SEMA3A: variants seen among roughly 807,000 people sequenced by gnomAD.
SEMA3A encodes the protein semaphorin 3A, also known as semaphorin-3A.
SEMA3A carries 29 observed loss-of-function variants against 97.9 expected under a neutral mutation model. The ratio of observed to expected loss-of-function variants is 0.30; its 90% CI spans 0.22 to 0.40. The LOEUF (loss-of-function observed/expected upper bound fraction) is 0.40. SEMA3A is among the 10% of genes least tolerant of loss of function. The pLI is 1.00. For synonymous variants in SEMA3A, 321 were observed against 323.7 expected (o/e 0.99, Z 0.09); for missense variants, 763 against 951.3 (o/e 0.80, Z 2.60).
chr7:84,445,516 A>AAAAAG (rs1554388668), intron 1 of SEMA3A, among the ~76,000 whole-genome samples: 2,689 of 123,220 alleles, frequency 0.022, 101 homozygotes, highest in African/African-American at 0.064. Flanking sequence ...AAAAAAAAAA[A>AAAAAG]AAAAGAAAAG....
intron 3 of SEMA3A, among the ~76,000 whole-genome samples, chr7:84,226,827 T>G (rs1202198427): frequency 1.3e-5 from 2 of 152,102 alleles, no homozygotes; most frequent in African/African-American, 2.4e-5. Context: ...GACATATTAT[T>G]CTATTCCTAA....
At chr7:84,429,903 A>G (rs1804935971) in intron 1 of SEMA3A, among the ~76,000 whole-genome samples, 1 of 151,868 alleles carries the variant, frequency 6.6e-6, no homozygotes, top group Admixed American at 6.6e-5. Flanking sequence ...TAACAAGAAT[A>G]CCAACATGTT....
chr7:84,471,209 GTGGCCT>G (rs1416219801), intron 1 of SEMA3A, among the ~76,000 whole-genome samples: 6 of 151,930 alleles, frequency 3.9e-5, no homozygotes, highest in Non-Finnish European at 5.9e-5. Flanking sequence ...ATCCTTATGA[GTGGCCT>G]TGCAGGTAAA....
chr7:84,217,460 T>TA (rs1029720623), intron 3 of SEMA3A, among the ~76,000 whole-genome samples: 1 of 152,018 alleles, frequency 6.6e-6, no homozygotes, highest in African/African-American at 2.4e-5. Flanking sequence ...TGACCCTATA[T>TA]AAAAAATCTG....
At chr7:84,277,311 G>A (rs1410925845) in intron 3 of SEMA3A, among the ~76,000 whole-genome samples, 1 of 152,052 alleles carries the variant, frequency 6.6e-6, no homozygotes, top group Non-Finnish European at 1.5e-5. Context: ...TATAGATATA[G>A]ATGTAATGAT....
At chr7:84,165,570 T>G (rs968751253) in intron 1 of SEMA3A, among the ~76,000 whole-genome samples, 2 of 152,132 alleles carry the variant, frequency 1.3e-5, no homozygotes, top group African/African-American at 4.8e-5. Context: ...CTTCTTTTTT[T>G]GAGGCGGAGT....
In SEMA3A at chr7:84,194,652, T is replaced by A; in HGVS notation, c.-66A>T. The A allele has an allele frequency of 9.8e-7, 1 of 1,018,744 alleles. No homozygotes were observed. The highest frequency in any genetic ancestry group is 1.5e-6 in the Non-Finnish European group (1 of 654,834). The allele number at this position is 1,018,744 out of a possible 1,614,324, so 63.1% of individuals were successfully genotyped here. On this transcript the variant is annotated 5_prime_UTR_variant, in exon 1 of 17. Coordinates refer to ENST00000265362, the MANE Select transcript of SEMA3A (RefSeq NM_006080.3). ...TTCCTGTATTGTGCGGCCAGAGAAG[T>A]TCAAACAATCTGGAAACTGGAGGTA...
chr7:84,291,566 A>C (rs1800747193), intron 3 of SEMA3A, among the ~76,000 whole-genome samples: 1 of 152,138 alleles, frequency 6.6e-6, no homozygotes, highest in South Asian at 2.1e-4. Context: ...TATCTCATAA[A>C]ACATTGAACA....
intron 5 of SEMA3A, among the ~76,000 whole-genome samples, chr7:84,059,989 A>G (rs1793149662): frequency 6.6e-6 from 1 of 152,178 alleles, no homozygotes; most frequent in Non-Finnish European, 1.5e-5. Flanking sequence ...CTTATCAGCA[A>G]TGCTAAATGA....
At chr7:84,302,161 T>C (rs1801033971) in intron 3 of SEMA3A, among the ~76,000 whole-genome samples, 1 of 152,288 alleles carries the variant, frequency 6.6e-6, no homozygotes, top group Non-Finnish European at 1.5e-5. Flanking sequence ...AATTATTTGC[T>C]AAGTGAAAAA....
chr7:84,019,425 A>G (rs1014273681), intron 6 of SEMA3A, among the ~76,000 whole-genome samples: 42 of 152,162 alleles, frequency 2.8e-4, no homozygotes, highest in African/African-American at 9.4e-4. Flanking sequence ...ACCTGGAGAA[A>G]GGTGAGGAAA....
intron 2 of SEMA3A, among the ~76,000 whole-genome samples, chr7:84,311,000 T>TTATATATA (rs4016123): frequency 1.6e-3 from 233 of 148,668 alleles, no homozygotes; most frequent in South Asian, 3.4e-3. Context: ...TTAGTAGATG[T>TTATATATA]TATATATATA....
intron 1 of SEMA3A, among the ~76,000 whole-genome samples, chr7:84,141,305 C>T (rs1440291019): frequency 6.6e-6 from 1 of 152,116 alleles, no homozygotes; most frequent in Non-Finnish European, 1.5e-5. Context: ...CAGCCTGTGC[C>T]AGAGGCCACA....
At chr7:84,273,750 C>T (rs565670483) in intron 3 of SEMA3A, among the ~76,000 whole-genome samples, 5 of 152,160 alleles carry the variant, frequency 3.3e-5, no homozygotes, top group African/African-American at 9.6e-5. Context: ...TTGTCAAATG[C>T]TTGCTATATT....
At chr7:84,390,253 A>G (rs564986857) in intron 1 of SEMA3A, among the ~76,000 whole-genome samples, 11 of 151,344 alleles carry the variant, frequency 7.3e-5, no homozygotes, top group Non-Finnish European at 1.0e-4. Context: ...TCAAATCCCA[A>G]TGCCGTTATG....
chr7:84,337,813 T>G (rs981293312), intron 2 of SEMA3A, among the ~76,000 whole-genome samples: 1 of 152,132 alleles, frequency 6.6e-6, no homozygotes, highest in Non-Finnish European at 1.5e-5. Context: ...GATCTACATG[T>G]AGCCCCAAAG....
At chr7:84,346,307 T>C (rs529399067) in intron 2 of SEMA3A, among the ~76,000 whole-genome samples, 1 of 152,374 alleles carries the variant, frequency 6.6e-6, no homozygotes, top group East Asian at 1.9e-4. Context: ...TAGTCTGTTT[T>C]GCTTTCTTAT....
intron 1 of SEMA3A, among the ~76,000 whole-genome samples, chr7:84,439,041 G>A (rs1317995611): frequency 6.6e-6 from 1 of 151,562 alleles, no homozygotes; most frequent in Non-Finnish European, 1.5e-5. Context: ...TGATACAGCA[G>A]TAGCAAAATT....
intron 15 of SEMA3A, among the ~76,000 whole-genome samples, chr7:83,965,210 A>G (rs1025343689): frequency 4.0e-5 from 6 of 151,658 alleles, no homozygotes; most frequent in African/African-American, 1.5e-4. Context: ...AAGTGCTGGG[A>G]TTACAGGCAT....
Sources: gnomAD v4.1 joint callset for allele counts (sites outside exome capture counted in the v4.1 genomes callset) on GRCh38, gnomAD v4.1.1 for gene constraint, MANE v1.5 for transcripts, NCBI Gene and HGNC (gene_info 2026-07-23, HGNC 2026-07-21) for gene names.